VHL: variants seen among roughly 807,000 people sequenced by gnomAD.
VHL encodes von Hippel-Lindau tumor suppressor, also known as von Hippel-Lindau disease tumor suppressor.
Under a neutral mutation model 19.2 loss-of-function variants are expected in VHL, and 10 were observed. The ratio of observed to expected loss-of-function variants is 0.52; its 90% confidence interval spans 0.32 to 0.89. VHL has a LOEUF of 0.89. Ranked by LOEUF, VHL falls within the 40% of genes least tolerant of loss-of-function variation. VHL has a pLI of 0.03. For missense variants in VHL, 328 were observed against 292.7 expected (o/e 1.12, Z -0.88); for synonymous variants, 167 against 129.5 (o/e 1.29, Z -1.97).
chr3:10,151,683 T>G lies in VHL; in HGVS notation c.*1718T>G. On this transcript the variant is annotated 3_prime_UTR_variant, in exon 3 of 3. Transcript: ENST00000256474. ...GCTTTTCACAAACATTAGTATAGTC[T>G]CCCTTTTATAATTAATGTTTGTGGG... 1 of 212,892 alleles carries G rather than the reference T, an allele frequency of 4.7e-6. No individual in the cohort carries two copies. The highest frequency in any genetic ancestry group is 9.5e-6 in the Non-Finnish European group (1 of 105,202). 13.2% of individuals were successfully genotyped at this position (212,892 alleles called of 1,614,324 possible).
rs1696118115 is a variant in VHL, at chr3:10,141,911, G to A, written c.64G>A (p.Glu22Lys). Residue 22 changes from glutamate (E) to lysine (K), a missense_variant, in exon 1 of 3, where the codon GAG (glutamate) becomes AAG (lysine). Transcript: ENST00000256474. ...EVGAEEAGVEEYGPEEDGGEE... is the reference protein window; with the variant it reads ...EVGAEEAGVEKYGPEEDGGEE... ...AGGCGCGGAGGAGGCAGGCGTCGAAGAGTACGGCCCTGAAGAAGACGGCGG... is the reference window on the plus strand; with the variant it reads ...AGGCGCGGAGGAGGCAGGCGTCGAAAAGTACGGCCCTGAAGAAGACGGCGG... 2 of 1,534,584 alleles carry A rather than the reference G, an allele frequency of 1.3e-6. No homozygotes were observed. The highest frequency in any genetic ancestry group is 2.4e-5 in the South Asian group (2 of 82,476).
chr3:10,146,489 TAAC>T lies in VHL; in HGVS notation c.341-21_341-19del, dbSNP rs779747717. On this transcript the variant is annotated intron_variant, in intron 1 of 2. Coordinates refer to ENST00000256474, the MANE Select transcript of VHL (RefSeq NM_000551.4). ...GTGCCCAGCCACCGGTGTGGCTCTT[TAAC>T]AACCTTTGCTTGTCCCGATAGGTCA... is the stretch of plus-strand genomic sequence containing the variant. 3.1e-6 allele frequency: 5 copies of T among 1,612,614 alleles called. No individual in the cohort carries two copies. The Admixed American group carries it at 6.7e-5, about 22-fold the overall frequency.
At chr3:10,146,197 G>A (rs1476100233) in intron 1 of VHL, among the ~76,000 whole-genome samples, 4 of 144,064 alleles carry the variant, frequency 2.8e-5, no homozygotes, top group Non-Finnish European at 6.0e-5. Context: ...TTTTGGAGAC[G>A]GAGTCTTGCT....
rs913104799 is a variant in VHL, at chr3:10,141,935, G to A, written c.88G>A (p.Gly30Arg). ...AGAGTACGGCCCTGAAGAAGACGGC[G>A]GGGAGGAGTCGGGCGCCGAGGAGTC... The part of the protein sequence containing the change: ...VEEYGPEEDG[G>R]EESGAEESGP... The change falls in exon 1 of 3, where the codon GGG becomes AGG. Residue 30 changes from glycine to arginine, a missense_variant. Transcript: ENST00000256474. 1.9e-6 allele frequency: 3 copies of A among 1,540,492 alleles called. No individual in the cohort carries two copies. The highest frequency in any genetic ancestry group is 1.4e-5 in the African/African-American group (1 of 72,620).
At position 10,152,612 on chromosome 3, in the gene VHL, C is replaced by T. The variant is rs886057742; in HGVS notation, c.*2647C>T. Among the ~76,000 whole-genome samples the T allele has an allele frequency of 6.8e-6, 1 of 146,792 alleles. No homozygotes were observed. The highest frequency in any genetic ancestry group is 7.0e-5 in the Admixed American group (1 of 14,306). Reference sequence around the variant, plus strand: ...AGTTCAAGTGATTCTCCTGGCTCACCCTCCTGAGTAGCTGGGATTACAGGC... The same window carrying T: ...AGTTCAAGTGATTCTCCTGGCTCACTCTCCTGAGTAGCTGGGATTACAGGC... On this transcript the variant is annotated 3_prime_UTR_variant, in exon 3 of 3. Transcript: ENST00000256474.
rs529962858 is a variant in VHL at position 10,153,565 on chromosome 3, T to G, written c.*3600T>G. ...TCGAATCTTGTGAATGTATTAAATA[T>G]ATCGCTCTTAAGAGACGGTGAAGTT... On this transcript the variant is annotated 3_prime_UTR_variant, in exon 3 of 3. Transcript: ENST00000256474. Among the ~76,000 whole-genome samples the G allele has an allele frequency of 6.6e-6, 1 of 152,280 alleles. No homozygotes were observed. Among genetic ancestry groups the G allele is most frequent in the African/African-American group, 2.4e-5 (1 of 41,566 alleles).
chr3:10,148,516 G>A lies in VHL; in HGVS notation c.464-1271G>A, dbSNP rs1351188824. Reference sequence around the variant, plus strand: ...TTTTTAGTAGAGACGGGGTTTCACCGTTTTAGCCGGGATGGTCTCGATCTC... The same window carrying A: ...TTTTTAGTAGAGACGGGGTTTCACCATTTTAGCCGGGATGGTCTCGATCTC... On this transcript the variant is annotated intron_variant, in intron 2 of 2. Transcript: ENST00000256474. 8.0e-5 allele frequency among the ~76,000 whole-genome samples: 12 copies of A among 150,896 alleles called. 1 individual carries two copies. The highest frequency in any genetic ancestry group is 2.1e-4 in the South Asian group (1 of 4,770).
Position 10,151,884 on chromosome 3 carries a change from T to C in VHL, c.*1919T>C, listed in dbSNP as rs371049191. On this transcript the variant is annotated 3_prime_UTR_variant, in exon 3 of 3. Transcript: ENST00000256474. ...CTTCAAGATGAGCCTGGGCTCATAG[T>C]GAGAACCCATCTATACAAAAAATTT... 2 of 186,730 alleles carry C rather than the reference T, an allele frequency of 1.1e-5. No individual in the cohort carries two copies. The highest frequency in any genetic ancestry group is 4.7e-5 in the African/African-American group (2 of 42,418). The allele number at this position is 186,730 out of a possible 1,614,324, so 11.6% of individuals were successfully genotyped here.
At chr3:10,149,219 C>T (rs1437496143) in intron 2 of VHL, among the ~76,000 whole-genome samples, 1 of 151,374 alleles carries the variant, frequency 6.6e-6, no homozygotes, top group South Asian at 2.1e-4. Context: ...CTCAAGTGAT[C>T]CTCCCACCTC....
rs1696394680 is a variant in VHL at position 10,150,936 on chromosome 3, C to G, written c.*971C>G. The G allele has an allele frequency of 4.8e-6, 1 of 206,648 alleles. No homozygotes were observed. Among genetic ancestry groups the G allele is most frequent in the African/African-American group, 2.3e-5 (1 of 43,842 alleles). 12.8% of individuals were successfully genotyped at this position (206,648 alleles called of 1,614,324 possible). A position where few individuals can be genotyped will look rare whatever the true frequency, so the allele number is the denominator to read the frequency against. ...GAGATGGAGTCTCACTCTTGTCACC[C>G]AGGCTGGAGTGCAGTGGCGCCATCT... is the stretch of plus-strand genomic sequence containing the variant. On this transcript the variant is annotated 3_prime_UTR_variant, in exon 3 of 3. Coordinates refer to ENST00000256474, the MANE Select transcript of VHL (RefSeq NM_000551.4).
chr3:10,153,170 C>T lies in VHL; in HGVS notation c.*3205C>T, dbSNP rs561918442. 8.8e-4 allele frequency among the ~76,000 whole-genome samples: 134 copies of T among 151,796 alleles called. No homozygotes were observed. Among genetic ancestry groups the T allele is most frequent in the Non-Finnish European group, 1.4e-3 (96 of 67,972 alleles). On this transcript the variant is annotated 3_prime_UTR_variant, in exon 3 of 3. Coordinates refer to ENST00000256474, the MANE Select transcript of VHL (RefSeq NM_000551.4). ...GTGAGCGCCTGTAGTCCCAGCTACTCGAGAGCCTGAGGCAGGAGAATGGCA... is the reference window on the plus strand; with the variant it reads ...GTGAGCGCCTGTAGTCCCAGCTACTTGAGAGCCTGAGGCAGGAGAATGGCA...
Position 10,141,934 on chromosome 3 carries a change from C to T in VHL, c.87C>T (p.Gly29=), listed in dbSNP as rs987301475. The T allele has an allele frequency of 1.3e-6, 2 of 1,539,674 alleles. No individual in the cohort carries two copies. The highest frequency in any genetic ancestry group is 8.8e-7 in the Non-Finnish European group (1 of 1,141,230). Reference sequence around the variant, plus strand: ...AAGAGTACGGCCCTGAAGAAGACGGCGGGGAGGAGTCGGGCGCCGAGGAGT... The same window carrying T: ...AAGAGTACGGCCCTGAAGAAGACGGTGGGGAGGAGTCGGGCGCCGAGGAGT... ...GVEEYGPEED[G]GEESGAEESG... is the part of the protein sequence containing the mutation. The change falls in exon 1 of 3, where the codon GGC becomes GGT. Residue 29 remains glycine, a synonymous_variant. Transcript: ENST00000256474.
rs1039583410 is a variant in VHL, at chr3:10,141,831, T to G, written c.-17T>G. The G allele has an allele frequency of 6.5e-7, 1 of 1,536,420 alleles. No homozygotes were observed. Among genetic ancestry groups the G allele is most frequent in the Non-Finnish European group, 8.8e-7 (1 of 1,141,370 alleles). ...ATCCCGCGGCGTCCGGCCCGGGTGG[T>G]CTGGATCGCGGAGGGAATGCCCCGG... On this transcript the variant is annotated 5_prime_UTR_variant, in exon 1 of 3. Coordinates refer to ENST00000256474, the MANE Select transcript of VHL (RefSeq NM_000551.4).
rs34512214 is a variant in VHL at position 10,144,496 on chromosome 3, C to CTTTTTTTT, written c.341-2007_341-2000dup. 8.4e-4 allele frequency among the ~76,000 whole-genome samples: 98 copies of CTTTTTTTT among 116,590 alleles called. 2 individuals carry two copies. Among genetic ancestry groups the CTTTTTTTT allele is most frequent in the African/African-American group, 1.1e-3 (31 of 28,768 alleles). 76.5% of individuals were successfully genotyped at this position (116,590 alleles called of 152,430 possible). The stretch of plus-strand genomic sequence containing the variant: ...GCAAGACCCTGTCTCTCTATCTTGT[C>CTTTTTTTT]TTTTTTTTTTTTTTTTTTGAGACAG... On this transcript the variant is annotated intron_variant, in intron 1 of 2. Transcript: ENST00000256474.
rs538580892 is a variant in VHL, at chr3:10,151,478, A to G, written c.*1513A>G. On this transcript the variant is annotated 3_prime_UTR_variant, in exon 3 of 3. Transcript: ENST00000256474. Reference sequence around the variant, plus strand: ...ACAGAAAACTAAAAAGGAAGAAAAAAGATCCCTATTAGATACACTTCTTAA... The same window carrying G: ...ACAGAAAACTAAAAAGGAAGAAAAAGGATCCCTATTAGATACACTTCTTAA... 2.3e-4 allele frequency: 53 copies of G among 225,600 alleles called. No homozygotes were observed. Among genetic ancestry groups the G allele is most frequent in the Middle Eastern group, 1.3e-3 (1 of 750 alleles). The allele number at this position is 225,600 out of a possible 1,614,324, so 14.0% of individuals were successfully genotyped here.
chr3:10,146,702 A>C, intron 2 of VHL, 66 bp downstream of exon 2: 2 of 1,603,942 alleles, frequency 1.2e-6, no homozygotes, highest in Non-Finnish European at 8.5e-7. Context: ...ACCACTTGAA[A>C]AATTAAGCCC....
At position 10,141,843 on chromosome 3, in the gene VHL, A is replaced by C. The variant is rs35793832; in HGVS notation, c.-5A>C. ...CCGGCCCGGGTGGTCTGGATCGCGG[A>C]GGGAATGCCCCGGAGGGCGGAGAAC... On this transcript the variant is annotated 5_prime_UTR_variant, in exon 1 of 3. Transcript: ENST00000256474. 267 of 1,535,018 alleles carry C rather than the reference A, an allele frequency of 1.7e-4. 1 individual carries two copies. The African/African-American group carries it at 3.4e-3, about 19-fold the overall frequency.
At position 10,141,982 on chromosome 3, in the gene VHL, GGAGGAACTGGGCGCCGAGGAGGA is replaced by G. The variant is rs1209079089; in HGVS notation, c.138_160del (p.Glu46AspfsTer78). 1 of 1,567,260 alleles carries G rather than the reference GGAGGAACTGGGCGCCGAGGAGGA, an allele frequency of 6.4e-7. No homozygotes were observed. The highest frequency in any genetic ancestry group is 8.6e-7 in the Non-Finnish European group (1 of 1,157,740). ...AGTCCGGCCCGGAAGAGTCCGGCCCGGAGGAACTGGGCGCCGAGGAGGAGATGGAGGCCGGGCGGCCGCGGCCC... is the reference window on the plus strand; with the variant it reads ...AGTCCGGCCCGGAAGAGTCCGGCCCGGATGGAGGCCGGGCGGCCGCGGCCC... On this transcript the variant is annotated frameshift_variant, in exon 1 of 3. Coordinates refer to ENST00000256474, the MANE Select transcript of VHL (RefSeq NM_000551.4). LOFTEE classifies it high-confidence loss of function.
At chr3:10,143,465 T>G (rs1473110775) in intron 1 of VHL, among the ~76,000 whole-genome samples, 2 of 152,110 alleles carry the variant, frequency 1.3e-5, no homozygotes, top group Admixed American at 1.3e-4. Context: ...ATATATATTT[T>G]TGAGTTGGAG....
Sources: gnomAD v4.1 joint callset for allele counts (sites outside exome capture counted in the v4.1 genomes callset) on GRCh38, gnomAD v4.1.1 for gene constraint, MANE v1.5 for transcripts, NCBI Gene and HGNC (gene_info 2026-07-23, HGNC 2026-07-21) for gene names.